The following GREB1 variants were observed in gnomAD, a reference collection of about 807,000 sequenced individuals.
The protein encoded by GREB1 is growth regulating estrogen receptor binding 1, also known as protein GREB1.
A neutral mutation model predicts 200.7 loss-of-function variants in GREB1; 106 were observed. The observed-to-expected ratio is 0.53, with a 90% CI of 0.45 to 0.62. The LOEUF (loss-of-function observed/expected upper bound fraction) is 0.62, where lower values mean the gene tolerates loss of function less well. Ranked by LOEUF, GREB1 falls within the 20% of genes least tolerant of loss-of-function variation. The pLI is 0.00. For missense variants in GREB1, 2,243 were observed against 2,556.8 expected, an observed-to-expected ratio of 0.88 and a Z score of 2.65; for synonymous variants, 1,132 against 1,092.4, an observed-to-expected ratio of 1.04 and a Z score of -0.72.
chr2:11,555,910 AGTGGTTCTCT>A (rs1300637464), intron 1 of GREB1, among the ~76,000 whole-genome samples: 1 of 152,176 alleles, frequency 6.6e-6, no homozygotes, highest in East Asian at 1.9e-4. Context: ...AAAAAGTCAC[AGTGGTTCTCT>A]GTGATTTTTG....
chr2:11,547,579 C>A (rs1675402415), intron 1 of GREB1, among the ~76,000 whole-genome samples: 1 of 152,102 alleles, frequency 6.6e-6, no homozygotes, highest in Non-Finnish European at 1.5e-5. Flanking sequence ...AAAATGTAAT[C>A]ATCGTTTTTC....
intron 2 of GREB1, among the ~76,000 whole-genome samples, chr2:11,560,466 C>T (rs763840784): frequency 3.3e-5 from 5 of 152,062 alleles, no homozygotes; most frequent in Non-Finnish European, 4.4e-5. Context: ...TTTGGGAGGC[C>T]GAGGCGGGTG....
intron 9 of GREB1, among the ~76,000 whole-genome samples, chr2:11,586,415 ATC>A (rs1226808356): frequency 4.6e-5 from 7 of 152,364 alleles, no homozygotes; most frequent in Middle Eastern, 6.8e-3. Flanking sequence ...ATTAGATTTG[ATC>A]TGTTTTGTGC....
At chr2:11,564,835 C>A (rs1386611733) in intron 3 of GREB1, among the ~76,000 whole-genome samples, 1 of 152,216 alleles carries the variant, frequency 6.6e-6, no homozygotes, top group Non-Finnish European at 1.5e-5. Context: ...CCTAGACCCA[C>A]AGTTCCACGT....
chr2:11,536,839 T>C (rs1674313518), intron 1 of GREB1, among the ~76,000 whole-genome samples: 1 of 152,254 alleles, frequency 6.6e-6, no homozygotes, highest in South Asian at 2.1e-4. Flanking sequence ...CAAACTTTGC[T>C]AATTTTCTCC....
upstream of GREB1, among the ~76,000 whole-genome samples, chr2:11,530,467 C>T (rs1434882689): frequency 2.0e-5 from 3 of 149,304 alleles, no homozygotes; most frequent in African/African-American, 7.4e-5. Context: ...TACCAGGAGG[C>T]TGAGGCAGGG....
At chr2:11,524,492 A>G (rs1425356130) in intron 1 of GREB1, among the ~76,000 whole-genome samples, 1 of 152,216 alleles carries the variant, frequency 6.6e-6, no homozygotes, top group Non-Finnish European at 1.5e-5. Context: ...TGTGTGCCAT[A>G]CTTAGGTGGA....
Position 11,534,164 on chromosome 2 carries a change from A to G in GREB1, c.-252A>G, listed in dbSNP as rs1430715730. The stretch of plus-strand genomic sequence containing the variant: ...GCTTGCAGCTCTTGAGGACCTGCCA[A>G]ATGGAAGAAGGACAGAGACCTGGAG... On this transcript the variant is annotated 5_prime_UTR_variant, in exon 1 of 33. Transcript: ENST00000381486. The G allele has an allele frequency of 2.0e-5, 3 of 152,198 alleles. No individual in the cohort carries two copies. The highest frequency in any genetic ancestry group is 1.5e-5 in the Non-Finnish European group (1 of 68,032). The allele number at this position is 152,198 out of a possible 1,614,324, so 9.4% of individuals were successfully genotyped here.
At chr2:11,558,907 C>T (rs1676701047) in intron 2 of GREB1, among the ~76,000 whole-genome samples, 1 of 152,064 alleles carries the variant, frequency 6.6e-6, no homozygotes, top group South Asian at 2.1e-4. Flanking sequence ...TTACTTTGTT[C>T]TTTGAATTAG....
Position 11,637,752 on chromosome 2 carries a change from T to G in GREB1, c.5383T>G (p.Tyr1795Asp), listed in dbSNP as rs773200873. Residue 1795 changes from tyrosine to aspartate, a missense_variant, in exon 31 of 33, where the codon TAC becomes GAC. Tyr to Asp is a radical substitution (Grantham distance 160, BLOSUM62 -3). This residue lies in a region of GREB1 where 478 missense variants were observed against 616.3 expected (regional missense o/e 0.78). Coordinates refer to ENST00000381486, the MANE Select transcript of GREB1 (RefSeq NM_014668.4). ...DNSAAVVPAQ[Y>D]ICAPDSKHTF... is the part of the protein sequence containing the mutation. ...CTCTGCCGCGGTCGTGCCGGCCCAG[T>G]ACATCTGTGCCCCGGACAGCAAGCA... 1.9e-6 allele frequency: 3 copies of G among 1,613,750 alleles called. No individual in the cohort carries two copies. Among genetic ancestry groups the G allele is most frequent in the Admixed American group, 3.3e-5 (2 of 59,998 alleles).
In GREB1 at chr2:11,633,911, T is replaced by C. The variant is rs1685093298; in HGVS notation, c.4992-220T>C. ...CTATGCCATGGAGTTGTTGTGAGAATTGACTAAATTATGGTCTGCAAATGT... is the reference window on the plus strand; with the variant it reads ...CTATGCCATGGAGTTGTTGTGAGAACTGACTAAATTATGGTCTGCAAATGT... On this transcript the variant is annotated intron_variant, in intron 28 of 32. Coordinates refer to ENST00000381486, the MANE Select transcript of GREB1 (RefSeq NM_014668.4). The surrounding 1 kb of genome is among the most constrained non-coding windows in gnomAD (Gnocchi z 4.1). 6.6e-6 allele frequency among the ~76,000 whole-genome samples: 1 copy of C among 152,210 alleles called. No homozygotes were observed. The highest frequency in any genetic ancestry group is 1.5e-5 in the Non-Finnish European group (1 of 68,040).
chr2:11,613,912 C>T (rs1683156886), intron 19 of GREB1, among the ~76,000 whole-genome samples: 1 of 152,114 alleles, frequency 6.6e-6, no homozygotes, highest in Non-Finnish European at 1.5e-5. Context: ...CTCACGTACC[C>T]CTCTCTAAGC....
chr2:11,500,453 C>T (rs998649500), intron 1 of GREB1, among the ~76,000 whole-genome samples: 6 of 124,830 alleles, frequency 4.8e-5, no homozygotes, highest in Non-Finnish European at 3.3e-5. Context: ...GCCACTGTGC[C>T]TGGCCATTTT....
chr2:11,489,084 T>A (rs1276565707), intron 1 of GREB1, among the ~76,000 whole-genome samples: 2 of 152,130 alleles, frequency 1.3e-5, no homozygotes, highest in Non-Finnish European at 2.9e-5. Context: ...TTTTGTTCTT[T>A]AGGGAACTTA....
chr2:11,568,057 G>A (rs1677867974), intron 4 of GREB1, among the ~76,000 whole-genome samples: 1 of 152,198 alleles, frequency 6.6e-6, no homozygotes, highest in African/African-American at 2.4e-5. Context: ...CACTTCAGAT[G>A]TAGCCTCAGG....
chr2:11,542,929 G>A (rs533496155), intron 1 of GREB1: 4 of 152,390 alleles, frequency 2.6e-5, no homozygotes, highest in Non-Finnish European at 4.4e-5. Flanking sequence ...TGTTTATTTG[G>A]TACACCTGGG....
chr2:11,611,053 G>A (rs368929260), intron 18 of GREB1, 26 bp downstream of exon 18: 117 of 1,511,248 alleles, frequency 7.7e-5, no homozygotes, highest in African/African-American at 9.6e-5. Flanking sequence ...AGGGAGGGGC[G>A]GAGGGCCTGG....
chr2:11,617,940 A>T (rs1471989950), intron 21 of GREB1, among the ~76,000 whole-genome samples: 1 of 152,112 alleles, frequency 6.6e-6, no homozygotes, highest in Non-Finnish European at 1.5e-5. Context: ...TGGAGTCAGC[A>T]CTGAGCCTCT....
At chr2:11,552,876 G>A (rs1454494344) in intron 1 of GREB1, among the ~76,000 whole-genome samples, 1 of 151,996 alleles carries the variant, frequency 6.6e-6, no homozygotes, top group Non-Finnish European at 1.5e-5. Context: ...CGGGCATGGT[G>A]GCGCACGCCT....
Sources: gnomAD v4.1 joint callset for allele counts (sites outside exome capture counted in the v4.1 genomes callset) on GRCh38, gnomAD v4.1.1 for gene constraint, gnomAD v4.1.1 regional missense constraint, Gnocchi (gnomAD v3.1) non-coding constraint, MANE v1.5 for transcripts, NCBI Gene and HGNC (gene_info 2026-07-23, HGNC 2026-07-21) for gene names.